Variants in NT5DC1 observed in about 807,000 individuals in gnomAD.
NT5DC1 encodes 5'-nucleotidase domain containing 1.
In NT5DC1, 42 loss-of-function variants were observed where a neutral mutation model predicts 59.4. The observed-to-expected ratio is 0.71, with a 90% CI of 0.55 to 0.92. NT5DC1 has a LOEUF of 0.92. NT5DC1 is among the 40% of genes least tolerant of loss of function. The pLI, the probability that NT5DC1 is intolerant of heterozygous loss-of-function variation, is 0.00. For synonymous variants in NT5DC1, 172 were observed against 188.1 expected (o/e 0.91, Z 0.70); for missense variants, 501 against 537.1 (o/e 0.93, Z 0.66).
intron 6 of NT5DC1, among the ~76,000 whole-genome samples, chr6:116,209,545 T>C (rs1342885873): frequency 6.6e-6 from 1 of 152,018 alleles, no homozygotes; most frequent in Non-Finnish European, 1.5e-5. Flanking sequence ...AATGCCATCA[T>C]TGATGTGCAG....
At chr6:116,208,117 T>G (rs1402132724) in intron 6 of NT5DC1, among the ~76,000 whole-genome samples, 1 of 151,976 alleles carries the variant, frequency 6.6e-6, no homozygotes, top group African/African-American at 2.4e-5. Context: ...ACCCCTAATA[T>G]CTAGCTTATG....
chr6:116,107,274 G>A lies in NT5DC1; in HGVS notation c.185+939G>A, dbSNP rs73772247. 3.0e-3 allele frequency among the ~76,000 whole-genome samples: 448 copies of A among 149,118 alleles called. 4 individuals are homozygous for A. Among genetic ancestry groups the A allele is most frequent in the African/African-American group, 0.011 (434 of 40,170 alleles). ...TGATATTTTGTTAGTCTTTTTTGAT[G>A]TAACATTTTTGTAAAAGGAAGAAAC... On this transcript the variant is annotated intron_variant, in intron 2 of 11. Transcript: ENST00000319550.
chr6:116,119,699 C>T (rs528772632), intron 6 of NT5DC1: 3 of 181,120 alleles, frequency 1.7e-5, no homozygotes, highest in East Asian at 2.9e-4. Flanking sequence ...AAGGAAATGC[C>T]GAGTTTCTCA....
At chr6:116,155,498 C>A (rs1780165888) in intron 6 of NT5DC1, among the ~76,000 whole-genome samples, 1 of 151,986 alleles carries the variant, frequency 6.6e-6, no homozygotes. Flanking sequence ...GTAATACGTA[C>A]TGAATCCAGT....
intron 6 of NT5DC1, among the ~76,000 whole-genome samples, chr6:116,191,489 T>C (rs1781116476): frequency 6.6e-6 from 1 of 152,044 alleles, no homozygotes; most frequent in Non-Finnish European, 1.5e-5. Flanking sequence ...TCATAAATAT[T>C]TACTGATAGA....
chr6:116,151,650 G>T (rs1780042013), intron 6 of NT5DC1, among the ~76,000 whole-genome samples: 1 of 151,880 alleles, frequency 6.6e-6, no homozygotes, highest in Non-Finnish European at 1.5e-5. Context: ...TTGGATTTAG[G>T]GTTACATTTA....
intron 4 of NT5DC1, among the ~76,000 whole-genome samples, chr6:116,113,379 G>C (rs1160330234): frequency 6.6e-6 from 1 of 152,178 alleles, no homozygotes; most frequent in East Asian, 1.9e-4. Flanking sequence ...AGTTTCTTGG[G>C]GAGCAGTTTT....
rs114629820 is a variant in NT5DC1 at position 116,186,660 on chromosome 6, G to A, written c.530-34394G>A. ...CTCTGACTTTTTCTTCTACTTGTTC[G>A]ATTCTGTTGCTGCGAGTTTCCAGTG... is the stretch of plus-strand genomic sequence containing the variant. On this transcript the variant is annotated intron_variant, in intron 6 of 11. Transcript: ENST00000319550. Among the ~76,000 whole-genome samples the A allele has an allele frequency of 4.2e-3, 640 of 151,998 alleles. 6 individuals carry two copies. Among genetic ancestry groups the A allele is most frequent in the African/African-American group, 0.015 (605 of 41,486 alleles).
chr6:116,116,461 G>C (rs1424221226), intron 5 of NT5DC1, among the ~76,000 whole-genome samples: 4 of 152,130 alleles, frequency 2.6e-5, no homozygotes, highest in African/African-American at 9.7e-5. Context: ...GGCCAATATG[G>C]TGAAACCTTG....
intron 8 of NT5DC1, among the ~76,000 whole-genome samples, chr6:116,233,563 C>T (rs1782057329): frequency 6.6e-6 from 1 of 152,164 alleles, no homozygotes; most frequent in African/African-American, 2.4e-5. Context: ...ACATTCAGGT[C>T]CAGGAATCCA....
intron 3 of NT5DC1, among the ~76,000 whole-genome samples, chr6:116,109,849 T>TCAA (rs1562117506): frequency 6.6e-6 from 1 of 152,218 alleles, no homozygotes; most frequent in Non-Finnish European, 1.5e-5. Flanking sequence ...CATTATAATT[T>TCAA]CTCATAATAA....
At chr6:116,121,050 C>T (rs1453913465) in intron 6 of NT5DC1, 3 of 1,614,094 alleles carry the variant, frequency 1.9e-6, no homozygotes, top group Admixed American at 1.7e-5. Context: ...CCTGGGAGAC[C>T]ATGGCTACCC....
At chr6:116,157,207 A>G (rs538625347) in intron 6 of NT5DC1, among the ~76,000 whole-genome samples, 3 of 152,272 alleles carry the variant, frequency 2.0e-5, no homozygotes, top group East Asian at 3.9e-4. Flanking sequence ...TGTTTTCATT[A>G]TTAATTTGGT....
intron 11 of NT5DC1, among the ~76,000 whole-genome samples, chr6:116,239,893 G>A (rs1771648973): frequency 6.6e-6 from 1 of 152,230 alleles, no homozygotes; most frequent in Non-Finnish European, 1.5e-5. Flanking sequence ...AGAAAAGGAA[G>A]GAATGAGAAA....
chr6:116,248,898 C>G lies in NT5DC1; in HGVS notation c.*4874C>G, dbSNP rs571270974. 41 of 152,286 alleles carry G rather than the reference C, an allele frequency of 2.7e-4. No homozygotes were observed. Among genetic ancestry groups the G allele is most frequent in the African/African-American group, 9.9e-4 (41 of 41,552 alleles). The allele number at this position is 152,286 out of a possible 1,614,324, so 9.4% of individuals were successfully genotyped here. On this transcript the variant is annotated 3_prime_UTR_variant, in exon 12 of 12. Transcript: ENST00000319550. The stretch of plus-strand genomic sequence containing the variant: ...TAATTTAATGACTAATTTTATTAGG[C>G]TAAACAGAACAGAAACCATGCTAAT...
intron 4 of NT5DC1, among the ~76,000 whole-genome samples, chr6:116,113,125 T>C (rs1024551285): frequency 8.5e-5 from 13 of 152,238 alleles, no homozygotes; most frequent in African/African-American, 2.4e-5. Flanking sequence ...AACAGCTTGG[T>C]CTAGTGGAAA....
At chr6:116,184,795 T>A (rs1434688490) in intron 6 of NT5DC1, among the ~76,000 whole-genome samples, 1 of 152,082 alleles carries the variant, frequency 6.6e-6, no homozygotes, top group African/African-American at 2.4e-5. Flanking sequence ...TTCTCACTAA[T>A]GGTCTATCAA....
At chr6:116,178,058 T>C (rs532304327) in intron 6 of NT5DC1, among the ~76,000 whole-genome samples, 78 of 91,138 alleles carry the variant, frequency 8.6e-4, no homozygotes, top group African/African-American at 5.2e-3. Flanking sequence ...GGAAAGTGTG[T>C]GTGTGTGTGT....
intron 6 of NT5DC1, among the ~76,000 whole-genome samples, chr6:116,196,731 T>G (rs1264432136): frequency 5.3e-5 from 8 of 151,934 alleles, no homozygotes; most frequent in African/African-American, 9.7e-5. Flanking sequence ...GTTTGCTGCT[T>G]CTTAACTCTG....
Sources: allele counts gnomAD v4.1 joint callset (sites outside exome capture counted in the v4.1 genomes callset), GRCh38; gene constraint gnomAD v4.1.1; transcripts MANE v1.5; gene names NCBI Gene and HGNC (gene_info 2026-07-23, HGNC 2026-07-21).